Variants in LRIF1 observed in about 807,000 individuals in gnomAD.
LRIF1 encodes ligand dependent nuclear receptor interacting factor 1, also known as ligand-dependent nuclear receptor-interacting factor 1.
Under a neutral mutation model 52.7 loss-of-function variants are expected in LRIF1, and 32 were observed. The observed-to-expected ratio is 0.61, with a 90% confidence interval of 0.46 to 0.82. The LOEUF is 0.82. Ranked by LOEUF, LRIF1 falls within the 40% of genes least tolerant of loss-of-function variation. The pLI, the probability that LRIF1 is intolerant of heterozygous loss-of-function variation, is 0.00. For missense variants in LRIF1, 887 were observed against 892.0 expected, an observed-to-expected ratio of 0.99 and a Z score of 0.07; for synonymous variants, 323 against 317.4, an observed-to-expected ratio of 1.02 and a Z score of -0.19.
At chr1:110,891,288 C>A in the LRIF1 span, 1 of 821,770 alleles carries the variant, frequency 1.2e-6, no homozygotes, top group South Asian at 1.5e-5. Context: ...AGAGCCACAG[C>A]TCAAACCCAA....
At chr1:110,945,710 A>T (rs2101099462), downstream of LRIF1, among the ~76,000 whole-genome samples, 1 of 152,312 alleles carries the variant, frequency 6.6e-6, no homozygotes, top group African/African-American at 2.4e-5. Flanking sequence ...TACAGGTGTG[A>T]GCCACTGCGC....
the LRIF1 span, among the ~76,000 whole-genome samples, chr1:110,895,506 G>A: frequency 2.6e-5 from 4 of 152,082 alleles, no homozygotes; most frequent in African/African-American, 9.7e-5. Context: ...TACAAGCTCT[G>A]CATTCCTGAC....
At chr1:110,915,250 C>G in the LRIF1 span, among the ~76,000 whole-genome samples, 1 of 152,112 alleles carries the variant, frequency 6.6e-6, no homozygotes, top group African/African-American at 2.4e-5. Context: ...CTTTGGGAGG[C>G]CGAGGCGGGC....
chr1:110,946,659 T>A (rs2101100257), downstream of LRIF1, among the ~76,000 whole-genome samples: 1 of 142,310 alleles, frequency 7.0e-6, no homozygotes, highest in East Asian at 2.0e-4. Flanking sequence ...TCCTTTTTTT[T>A]TTTTTTTTTT....
the LRIF1 span, among the ~76,000 whole-genome samples, chr1:110,898,466 A>G: frequency 6.6e-6 from 1 of 152,028 alleles, no homozygotes; most frequent in Admixed American, 6.5e-5. Flanking sequence ...CAAACAAAAA[A>G]GCCACCAAGC....
chr1:110,907,725 C>T, the LRIF1 span, among the ~76,000 whole-genome samples: 2 of 152,158 alleles, frequency 1.3e-5, no homozygotes, highest in East Asian at 3.9e-4. Flanking sequence ...CAGAGTGAAA[C>T]TCCATCTCAC....
chr1:110,962,061 T>TACACACACACACGTAC (rs1658976009), intron 1 of LRIF1, among the ~76,000 whole-genome samples: 1 of 143,790 alleles, frequency 7.0e-6, no homozygotes, highest in Admixed American at 7.0e-5. Context: ...GAGTTAAGGG[T>TACACACACACACGTAC]ACACACACAC....
the LRIF1 span, among the ~76,000 whole-genome samples, chr1:110,908,047 G>C: frequency 1.3e-5 from 2 of 152,150 alleles, no homozygotes; most frequent in Non-Finnish European, 2.9e-5. Flanking sequence ...ACCTTTCAGA[G>C]AGATGATAAA....
chr1:110,906,119 C>T, the LRIF1 span, among the ~76,000 whole-genome samples: 2 of 151,540 alleles, frequency 1.3e-5, no homozygotes, highest in Admixed American at 1.3e-4. Context: ...GAAGAGAAGA[C>T]CACAAAACAA....
At chr1:110,875,557 C>T in the LRIF1 span, among the ~76,000 whole-genome samples, 8 of 152,158 alleles carry the variant, frequency 5.3e-5, no homozygotes, top group East Asian at 1.9e-4. Context: ...GTTTGTTCTG[C>T]GTCCCTAGAT....
chr1:110,918,326 G>A, the LRIF1 span, among the ~76,000 whole-genome samples: 1 of 151,914 alleles, frequency 6.6e-6, no homozygotes, highest in African/African-American at 2.4e-5. Flanking sequence ...AAATAAGAAT[G>A]GAAAGGGAGA....
the LRIF1 span, chr1:110,892,597 A>G: frequency 4.5e-6 from 6 of 1,335,106 alleles, no homozygotes; most frequent in African/African-American, 8.7e-5. Flanking sequence ...CCCAGGCAAG[A>G]TGTTTCTTGG....
Position 110,950,142 on chromosome 1 carries a change from A to C in LRIF1, c.1597-19T>G. ...TATGGATCTGGAATTAGGAAAAGAAAACACACAAACAATACTGCTAATTAT... is the reference window on the plus strand; with the variant it reads ...TATGGATCTGGAATTAGGAAAAGAACACACACAAACAATACTGCTAATTAT... On this transcript the variant is annotated intron_variant, in intron 2 of 3. Transcript: ENST00000369763. 6.3e-7 allele frequency: 1 copy of C among 1,590,632 alleles called. No homozygotes were observed. The highest frequency in any genetic ancestry group is 8.6e-7 in the Non-Finnish European group (1 of 1,168,918).
chr1:110,892,296 C>A, the LRIF1 span: 1 of 1,360,172 alleles, frequency 7.4e-7, no homozygotes. Flanking sequence ...TGAGGAGATA[C>A]CCAAGAACCA....
the LRIF1 span, among the ~76,000 whole-genome samples, chr1:110,924,791 A>G: frequency 1.3e-5 from 2 of 152,236 alleles, no homozygotes; most frequent in African/African-American, 4.8e-5. Flanking sequence ...ACTCATGAAC[A>G]TAGATGCAAA....
intron 2 of LRIF1, among the ~76,000 whole-genome samples, chr1:110,950,727 C>CA (rs139152955): frequency 0.043 from 6,245 of 145,972 alleles, 395 homozygotes; most frequent in African/African-American, 0.14. Context: ...ATTTGTCTAC[C>CA]AAAAAAAAAA....
chr1:110,885,152 C>T, the LRIF1 span, among the ~76,000 whole-genome samples: 1 of 152,196 alleles, frequency 6.6e-6, no homozygotes, highest in Non-Finnish European at 1.5e-5. Context: ...TTCCATTTCT[C>T]CCTTCCCAGT....
At chr1:110,907,175 G>C in the LRIF1 span, among the ~76,000 whole-genome samples, 4 of 152,120 alleles carry the variant, frequency 2.6e-5, no homozygotes, top group Non-Finnish European at 4.4e-5. Flanking sequence ...TGAGCTTTAA[G>C]AAAGCTCAAA....
At chr1:110,905,847 C>A in the LRIF1 span, among the ~76,000 whole-genome samples, 1 of 151,692 alleles carries the variant, frequency 6.6e-6, no homozygotes, top group Non-Finnish European at 1.5e-5. Flanking sequence ...ATAGACAGTA[C>A]AATAAGATAT....
Sources: gnomAD v4.1 joint callset for allele counts (sites outside exome capture counted in the v4.1 genomes callset) on GRCh38, gnomAD v4.1.1 for gene constraint, MANE v1.5 for transcripts, NCBI Gene and HGNC (gene_info 2026-07-23, HGNC 2026-07-21) for gene names.